The following CD207 variants were observed in gnomAD, a reference collection of about 807,000 sequenced individuals.
CD207 encodes the protein CD207 molecule, also known as C-type lectin domain family 4 member K.
In CD207, 28 loss-of-function variants were observed where a neutral mutation model predicts 31.6. The ratio of observed to expected loss-of-function variants is 0.89; its 90% confidence interval spans 0.66 to 1.21. The LOEUF (loss-of-function observed/expected upper bound fraction) is 1.21. Among genes scored for constraint, CD207 ranks in the 50% most tolerant of loss-of-function variants. The probability of loss-of-function intolerance (pLI) is 0.00; values close to 1 mark genes in which losing one functional copy is unlikely to be tolerated. For missense variants in CD207, 388 were observed against 397.8 expected (o/e 0.98, Z 0.21); for synonymous variants, 168 against 153.9 (o/e 1.09, Z -0.68).
chr2:70,835,425 G>T, intron 2 of CD207, 66 bp downstream of exon 2: 3 of 1,126,438 alleles, frequency 2.7e-6, no homozygotes, highest in Non-Finnish European at 4.0e-6. Context: ...AAGTGGTCTC[G>T]ATCTGAAGGG....
At chr2:70,826,322 T>C (rs12991820), downstream of CD207, among the ~76,000 whole-genome samples, 91,587 of 151,690 alleles carry the variant, frequency 0.6, 28,146 homozygotes, top group Middle Eastern at 0.7. Context: ...TGGTTGAATC[T>C]GACCGGTGGT....
At position 70,833,021 on chromosome 2, in the gene CD207, C is replaced by T; in HGVS notation, c.596G>A (p.Trp199Ter). The change falls in exon 4 of 6, where the codon TGG (tryptophan) becomes TAG (stop). Residue 199 changes from tryptophan (W) to a stop codon, truncating the protein, a stop_gained. Coordinates refer to ENST00000410009, the MANE Select transcript of CD207 (RefSeq NM_015717.5). LOFTEE classifies it high-confidence loss of function. ...NDILQVVSQG[W>*]KYFKGNFYYF... ...ATAGAAGTTCCCCTTGAAGTACTTC[C>T]AGCCTTGAGAAACCACCTGTAGAAT... 3.7e-6 allele frequency: 6 copies of T among 1,613,864 alleles called. No homozygotes were observed. The highest frequency in any genetic ancestry group is 5.1e-6 in the Non-Finnish European group (6 of 1,179,800).
chr2:70,835,652 G>T (rs1553400908), intron 1 of CD207, 45 bp from the exon 2 acceptor site: 1 of 1,607,652 alleles, frequency 6.2e-7, no homozygotes, highest in Non-Finnish European at 8.5e-7. Context: ...GCAGCAAAGG[G>T]CAGGTTTGCA....
chr2:70,824,626 A>AAAAAAAAAAAAC, the CD207 span, among the ~76,000 whole-genome samples: 1 of 147,966 alleles, frequency 6.8e-6, no homozygotes, highest in Non-Finnish European at 1.5e-5. Flanking sequence ...AGTTACCAAA[A>AAAAAAAAAAAAC]AAAAAAAAAA....
At chr2:70,835,380 A>AT (rs1677587060) in intron 2 of CD207, 111 bp downstream of exon 2, 5 of 758,864 alleles carry the variant, frequency 6.6e-6, no homozygotes, top group Non-Finnish European at 1.2e-5. Context: ...AGACAAATGA[A>AT]AAAGCCACAG....
chr2:70,835,738 A>T lies in CD207; in HGVS notation c.39T>A (p.Thr13=), dbSNP rs782592977. 2.0e-5 allele frequency: 32 copies of T among 1,613,098 alleles called. No homozygotes were observed. The highest frequency in any genetic ancestry group is 2.7e-5 in the African/African-American group (2 of 74,902). Residue 13 remains threonine, a synonymous_variant, in exon 1 of 6, where the codon ACT becomes ACA. Coordinates refer to ENST00000410009, the MANE Select transcript of CD207 (RefSeq NM_015717.5). ...AGAGGGAGATGTTCTGTTTGTCCAC[A>T]GTGAAGTGCGCATCAGGGGCCTCCT... is the stretch of plus-strand genomic sequence containing the variant. The part of the protein sequence containing the change: ...VEKEAPDAHF[T]VDKQNISLWP...
downstream of CD207, among the ~76,000 whole-genome samples, chr2:70,827,337 GA>G (rs144933607): frequency 2.0e-4 from 29 of 148,622 alleles, no homozygotes; most frequent in Non-Finnish European, 3.4e-4. Flanking sequence ...TCTGAGACCT[GA>G]AAAAAAAAAG....
rs1553399873 is a variant in CD207, at chr2:70,831,831, A to C, written c.718-12T>G. 6.5e-7 allele frequency: 1 copy of C among 1,543,290 alleles called. No homozygotes were observed. Among genetic ancestry groups the C allele is most frequent in the Non-Finnish European group, 9.0e-7 (1 of 1,116,104 alleles). On this transcript the variant is annotated splice_polypyrimidine_tract_variant and intron_variant, in intron 4 of 5. Coordinates refer to ENST00000410009, the MANE Select transcript of CD207 (RefSeq NM_015717.5). ...TTATACAGAAACTCCTGTAGGAAAG[A>C]CAGGATAAGCAGAGGTGCGGCCACA...
Position 70,832,971 on chromosome 2 carries a change from AG to A in CD207, c.645del (p.Trp216GlyfsTer15). ...NFYYFSLIPK[T>X]WYSAEQFCVS... ...ACACAGAACTGCTCGGCACTATACC[AG>A]GTCTTTGGAATGAGAGAAAAGTAAT... On this transcript the variant is annotated frameshift_variant, in exon 4 of 6. Transcript: ENST00000410009. LOFTEE classifies it high-confidence loss of function. 6.2e-7 allele frequency: 1 copy of A among 1,614,006 alleles called. No homozygotes were observed. Among genetic ancestry groups the A allele is most frequent in the Non-Finnish European group, 8.5e-7 (1 of 1,179,860 alleles).
At position 70,831,001 on chromosome 2, in the gene CD207, T is replaced by C. The variant is rs376522449; in HGVS notation, c.*49A>G. 129 of 1,547,056 alleles carry C rather than the reference T, an allele frequency of 8.3e-5. No individual in the cohort carries two copies. Among genetic ancestry groups the C allele is most frequent in the South Asian group, 7.9e-4 (66 of 83,510 alleles). On this transcript the variant is annotated 3_prime_UTR_variant, in exon 6 of 6. Coordinates refer to ENST00000410009, the MANE Select transcript of CD207 (RefSeq NM_015717.5). The stretch of plus-strand genomic sequence containing the variant: ...TGGGGAAGAAAGAGGCATTTCCTCA[T>C]GTTTAACAAGCGTTGGAGCTCAAAG...
intron 2 of CD207, 131 bp from the exon 3 acceptor site, chr2:70,834,151 C>T: frequency 1.5e-6 from 1 of 686,112 alleles, no homozygotes; most frequent in Non-Finnish European, 2.1e-6. Context: ...GTCCAATGGG[C>T]CACCCCAACC....
At chr2:70,824,801 G>A in the CD207 span, among the ~76,000 whole-genome samples, 549 of 152,250 alleles carry the variant, frequency 3.6e-3, 4 homozygotes, top group African/African-American at 0.013. Context: ...AGTCCATACT[G>A]ACATAAATGA....
intron 2 of CD207, among the ~76,000 whole-genome samples, chr2:70,835,276 C>A (rs782755366): frequency 2.0e-5 from 3 of 152,178 alleles, no homozygotes; most frequent in Non-Finnish European, 2.9e-5. Context: ...AATGCTAATC[C>A]CAATAATCTC....
downstream of CD207, among the ~76,000 whole-genome samples, chr2:70,826,279 G>A (rs1488802664): frequency 6.6e-6 from 1 of 152,174 alleles, no homozygotes; most frequent in Non-Finnish European, 1.5e-5. Context: ...TCTGAGCTCT[G>A]AAAAAACACC....
rs1299568838 is a variant in CD207 at position 70,834,000 on chromosome 2, T to C, written c.211A>G (p.Ile71Val). 1.3e-6 allele frequency: 2 copies of C among 1,513,266 alleles called. No homozygotes were observed. Among genetic ancestry groups the C allele is most frequent in the East Asian group, 2.3e-5 (1 of 44,036 alleles). The allele number at this position is 1,513,266 out of a possible 1,614,324, so 93.7% of individuals were successfully genotyped here. ...TGGACATTGGTCTTTACATCTGATA[T>C]GGTGCCCATAAACCGGGGATCTGGG... ...AVLYPRFMGT[I>V]SDVKTNVQLL... Residue 71 changes from isoleucine (I) to valine (V), a missense_variant, in exon 3 of 6, where the codon ATA becomes GTA. Transcript: ENST00000410009.
At chr2:70,835,646 C>A (rs782569477) in intron 1 of CD207, 39 bp from the exon 2 acceptor site, 1 of 1,610,758 alleles carries the variant, frequency 6.2e-7, no homozygotes, top group South Asian at 1.1e-5. Context: ...GAAGGAGCAG[C>A]AAAGGGCAGG....
In CD207 at chr2:70,835,773, T is replaced by A; in HGVS notation, c.4A>T (p.Thr2Ser). 1 of 1,610,538 alleles carries A rather than the reference T, an allele frequency of 6.2e-7. No individual in the cohort carries two copies. The highest frequency in any genetic ancestry group is 8.5e-7 in the Non-Finnish European group (1 of 1,178,362). M[T>S]VEKEAPDAHF... Reference sequence around the variant, plus strand: ...GCATCAGGGGCCTCCTTCTCCACAGTCATCCTGAGTGCTCACCCTTATCCT... The same window carrying A: ...GCATCAGGGGCCTCCTTCTCCACAGACATCCTGAGTGCTCACCCTTATCCT... Residue 2 changes from threonine to serine, a missense_variant, in exon 1 of 6, where the codon ACT becomes TCT. Physicochemically the swap from Thr to Ser is moderately conservative, Grantham distance 58. Coordinates refer to ENST00000410009, the MANE Select transcript of CD207 (RefSeq NM_015717.5).
At chr2:70,829,768 T>A (rs1352267572), downstream of CD207, among the ~76,000 whole-genome samples, 2 of 152,144 alleles carry the variant, frequency 1.3e-5, no homozygotes, top group African/African-American at 4.8e-5. Context: ...TAAGGAAGCA[T>A]CTTTTCCTGA....
Position 70,833,917 on chromosome 2 carries a change from A to AT in CD207, c.293dup (p.Asn98LysfsTer2), listed in dbSNP as rs1318090693. On this transcript the variant is annotated frameshift_variant, in exon 3 of 6. Transcript: ENST00000410009. LOFTEE classifies it high-confidence loss of function. ...CGCCAGCTGCCTCCATGCCGTCACT[A>AT]TTCTTTTTAATTTCAGAATCCAGGG... is the stretch of plus-strand genomic sequence containing the variant. 5.0e-6 allele frequency: 8 copies of AT among 1,594,342 alleles called. No homozygotes were observed. Among genetic ancestry groups the AT allele is most frequent in the Non-Finnish European group, 6.8e-6 (8 of 1,169,258 alleles).
Sources: gnomAD v4.1 joint callset for allele counts (sites outside exome capture counted in the v4.1 genomes callset) on GRCh38, gnomAD v4.1.1 for gene constraint, MANE v1.5 for transcripts, NCBI Gene and HGNC (gene_info 2026-07-23, HGNC 2026-07-21) for gene names.